The following GCFC2 variants were observed in gnomAD, a reference collection of about 807,000 sequenced individuals.
GCFC2 encodes intron Large complex component GCFC2.
Under a neutral mutation model 99.4 loss-of-function variants are expected in GCFC2, and 102 were observed. The ratio of observed to expected loss-of-function variants is 1.03; its 90% CI spans 0.87 to 1.21. GCFC2 has a LOEUF of 1.21. Among genes scored for constraint, GCFC2 ranks in the 50% most tolerant of loss-of-function variants. GCFC2 has a pLI of 0.00. For missense variants in GCFC2, 973 were observed against 920.9 expected (o/e 1.06, Z -0.73); for synonymous variants, 338 against 316.8 (o/e 1.07, Z -0.71).
chr2:75,689,630 C>G (rs983308513), intron 9 of GCFC2, among the ~76,000 whole-genome samples: 15 of 152,178 alleles, frequency 9.9e-5, no homozygotes, highest in Admixed American at 2.6e-4. Flanking sequence ...ATCTTCTCAT[C>G]ATGCTAAAAA....
At chr2:75,711,377 C>T (rs764428269), upstream of GCFC2, among the ~76,000 whole-genome samples, 9 of 152,178 alleles carry the variant, frequency 5.9e-5, no homozygotes, top group Non-Finnish European at 1.2e-4. Flanking sequence ...TGCATACAGA[C>T]TAGCAAAAAT....
intron 1 of GCFC2, among the ~76,000 whole-genome samples, chr2:75,709,020 T>A (rs1436913264): frequency 6.6e-6 from 1 of 152,230 alleles, no homozygotes; most frequent in East Asian, 1.9e-4. Flanking sequence ...TGTCTTCTAT[T>A]AATATTTTGC....
chr2:75,710,441 T>C (rs1225170878), intron 1 of GCFC2, 150 bp downstream of exon 1: 2 of 1,369,384 alleles, frequency 1.5e-6, no homozygotes, highest in East Asian at 3.1e-5. Context: ...TCTCGCTCAC[T>C]ACCTTCTGGA....
At chr2:75,683,344 A>C (rs1679659367) in intron 11 of GCFC2, among the ~76,000 whole-genome samples, 1 of 151,868 alleles carries the variant, frequency 6.6e-6, no homozygotes, top group Non-Finnish European at 1.5e-5. Flanking sequence ...CAGCCAAACT[A>C]AGCTTCATAA....
chr2:75,704,216 T>C (rs1680733538), intron 2 of GCFC2, among the ~76,000 whole-genome samples: 1 of 152,224 alleles, frequency 6.6e-6, no homozygotes. Flanking sequence ...TATCATCCTA[T>C]CTGATATGCA....
chr2:75,698,148 T>C (rs938008560), intron 4 of GCFC2, among the ~76,000 whole-genome samples: 1 of 152,210 alleles, frequency 6.6e-6, no homozygotes, highest in African/African-American at 2.4e-5. Context: ...TCACCAACTA[T>C]ACTTGGACCT....
chr2:75,686,735 C>A (rs1679832345), intron 11 of GCFC2, among the ~76,000 whole-genome samples: 1 of 152,080 alleles, frequency 6.6e-6, no homozygotes, highest in African/African-American at 2.4e-5. Context: ...CAGAGGAAGA[C>A]CCTGTCTCAA....
chr2:75,696,947 G>A (rs1031048663), intron 4 of GCFC2, among the ~76,000 whole-genome samples: 7 of 152,002 alleles, frequency 4.6e-5, no homozygotes, highest in African/African-American at 9.7e-5. Flanking sequence ...CACCATGCCT[G>A]GTGAATTTTT....
chr2:75,711,965 C>A (rs945447737), upstream of GCFC2, among the ~76,000 whole-genome samples: 11 of 152,256 alleles, frequency 7.2e-5, no homozygotes, highest in African/African-American at 2.7e-4. Flanking sequence ...TACGAGCGCA[C>A]GGCGCCGGAC....
upstream of GCFC2, among the ~76,000 whole-genome samples, chr2:75,712,780 C>G (rs1462193871): frequency 2.0e-5 from 3 of 152,042 alleles, no homozygotes; most frequent in African/African-American, 4.8e-5. Context: ...AGGGGCAGAC[C>G]CCAGACGCGC....
rs1680023401 is a variant in GCFC2 at position 75,690,630 on chromosome 2, A to ATAGGTACC, written c.1226_1226+7dup. On this transcript the variant is annotated splice_region_variant and intron_variant, in intron 8 of 16. Coordinates refer to ENST00000321027, the MANE Select transcript of GCFC2 (RefSeq NM_003203.5). ...TGCTTTCTTTAAATCTTCACTTTAT[A>ATAGGTACC]TAGGTACCTTCGAGATTCAATCTCT... 7.7e-7 allele frequency: 1 copy of ATAGGTACC among 1,297,342 alleles called. No individual in the cohort carries two copies. 80.4% of individuals were successfully genotyped at this position (1,297,342 alleles called of 1,614,324 possible). A position where few individuals can be genotyped will look rare whatever the true frequency, so the allele number is the denominator to read the frequency against.
At chr2:75,697,306 A>G (rs1680370652) in intron 4 of GCFC2, among the ~76,000 whole-genome samples, 1 of 152,190 alleles carries the variant, frequency 6.6e-6, no homozygotes, top group Admixed American at 6.5e-5. Context: ...TATTCTTTTT[A>G]TATTTTCCAT....
At chr2:75,696,012 C>A (rs779092205) in intron 5 of GCFC2, among the ~76,000 whole-genome samples, 188 bp downstream of exon 5, 6 of 152,084 alleles carry the variant, frequency 3.9e-5, no homozygotes, top group Non-Finnish European at 8.8e-5. Flanking sequence ...GGCAAAAATG[C>A]AGATATGGGG....
chr2:75,709,374 TAGA>T (rs925502904), intron 1 of GCFC2, among the ~76,000 whole-genome samples: 3 of 151,996 alleles, frequency 2.0e-5, no homozygotes, highest in African/African-American at 7.3e-5. Context: ...TTTAGACAAA[TAGA>T]AGGTCACAAG....
intron 6 of GCFC2, 70 bp from the exon 7 acceptor site, chr2:75,692,170 T>TATACACAC (rs372259037): frequency 2.2e-6 from 1 of 450,132 alleles, no homozygotes; most frequent in African/African-American, 2.0e-5. Context: ...TATATATATA[T>TATACACAC]AAAAGTAATA....
chr2:75,692,828 G>A (rs1680146142), intron 6 of GCFC2, among the ~76,000 whole-genome samples: 1 of 151,972 alleles, frequency 6.6e-6, no homozygotes, highest in Non-Finnish European at 1.5e-5. Flanking sequence ...TGAAAAATCG[G>A]GGAATGGAGA....
At chr2:75,698,518 C>T (rs1469242301) in intron 4 of GCFC2, among the ~76,000 whole-genome samples, 1 of 151,992 alleles carries the variant, frequency 6.6e-6, no homozygotes, top group African/African-American at 2.4e-5. Context: ...GATATAAAAA[C>T]AAGAGAAGAT....
intron 7 of GCFC2, among the ~76,000 whole-genome samples, chr2:75,691,672 G>GTTA (rs1680077999): frequency 3.3e-5 from 5 of 152,144 alleles, no homozygotes; most frequent in Admixed American, 1.3e-4. Context: ...AAACTATGAA[G>GTTA]TTAGACTTCT....
chr2:75,712,562 G>A (rs549888693), upstream of GCFC2, among the ~76,000 whole-genome samples: 14 of 152,300 alleles, frequency 9.2e-5, 1 homozygote, highest in Admixed American at 7.8e-4. Context: ...CCAGCCAGCA[G>A]TGGCAACCCG....
Sources: gnomAD v4.1 joint callset for allele counts (sites outside exome capture counted in the v4.1 genomes callset) on GRCh38, gnomAD v4.1.1 for gene constraint, MANE v1.5 for transcripts, NCBI Gene and HGNC (gene_info 2026-07-23, HGNC 2026-07-21) for gene names.